PRH1: variants seen among roughly 807,000 people sequenced by gnomAD.
The protein encoded by PRH1 is proline rich protein HaeIII subfamily 1.
PRH1 carries 7 observed loss-of-function variants against 7.9 expected under a neutral mutation model. That is an observed-to-expected ratio of 0.89 (90% confidence interval 0.50 to 1.67). The LOEUF (loss-of-function observed/expected upper bound fraction) is 1.67, where lower values mean the gene tolerates loss of function less well. PRH1 is among the 40% of genes most tolerant of loss of function. PRH1 has a pLI of 0.00. For missense variants in PRH1, 109 were observed against 223.6 expected, an observed-to-expected ratio of 0.49 and a Z score of 3.27; for synonymous variants, 45 against 80.8, an observed-to-expected ratio of 0.56 and a Z score of 2.38.
intron 1 of PRH1, among the ~76,000 whole-genome samples, chr12:11,027,277 A>T: frequency 6.7e-6 from 1 of 150,182 alleles, no homozygotes; most frequent in South Asian, 2.1e-4. Flanking sequence ...AATAATAGCA[A>T]TAATAATAAT....
intron 1 of PRH1, among the ~76,000 whole-genome samples, chr12:11,053,889 C>A (rs1287357998): frequency 6.6e-6 from 1 of 152,148 alleles, no homozygotes; most frequent in Non-Finnish European, 1.5e-5. Flanking sequence ...GGCACAATCT[C>A]AGCTAACTGC....
At chr12:11,067,303 A>C (rs889417445) in intron 1 of PRH1, among the ~76,000 whole-genome samples, 4 of 152,232 alleles carry the variant, frequency 2.6e-5, no homozygotes, top group African/African-American at 9.6e-5. Context: ...GAATGCTAAC[A>C]ATATGAATAC....
intron 1 of PRH1, among the ~76,000 whole-genome samples, chr12:10,991,689 A>C (rs1209003424): frequency 2.0e-5 from 3 of 152,002 alleles, no homozygotes; most frequent in Non-Finnish European, 4.4e-5. Flanking sequence ...TCACCAAAAA[A>C]ACCAGACATA....
intron 2 of PRH1, chr12:10,964,429 T>C: frequency 4.3e-6 from 1 of 234,260 alleles, no homozygotes; most frequent in Non-Finnish European, 9.4e-6. Context: ...TCTAGAAATT[T>C]GAGAGTTTCA....
chr12:11,102,661 G>C (rs1945290818), intron 1 of PRH1, among the ~76,000 whole-genome samples: 1 of 152,080 alleles, frequency 6.6e-6, no homozygotes, highest in Non-Finnish European at 1.5e-5. Flanking sequence ...AACACCAAAA[G>C]CAATGGCAAC....
At chr12:11,075,017 A>G (rs1389928131) in intron 1 of PRH1, among the ~76,000 whole-genome samples, 2 of 147,908 alleles carry the variant, frequency 1.4e-5, no homozygotes, top group Non-Finnish European at 3.0e-5. Context: ...CTTTTGCCTC[A>G]GTTTCCACAT....
In PRH1 at chr12:11,168,200, CG is replaced by C. The variant is rs1947641272; in HGVS notation, n.39+3221del. On this transcript the variant is annotated intron_variant and non_coding_transcript_variant, in intron 1 of 1. Coordinates refer to the PRH1 transcript ENST00000541175. ...TACATATTAAAGCCATGGCAAAAAA[CG>C]AAAGAAAGAAAGAAGAAAGAAAGAA... Among the ~76,000 whole-genome samples, 5 of 36,396 alleles carry C rather than the reference CG, an allele frequency of 1.4e-4. 1 individual carries two copies. In the South Asian group the frequency reaches 8.9e-3, roughly 65 times the overall value. The allele number at this position is 36,396 out of a possible 152,430, so 23.9% of individuals were successfully genotyped here. A position where few individuals can be genotyped will look rare whatever the true frequency, so the allele number is the denominator to read the frequency against.
At chr12:11,024,748 T>C (rs1405265622) in intron 1 of PRH1, among the ~76,000 whole-genome samples, 1 of 57,152 alleles carries the variant, frequency 1.7e-5, no homozygotes, top group Non-Finnish European at 4.8e-5. Flanking sequence ...ACAATGAACA[T>C]TCTTTCACAT....
chr12:11,035,218 T>C (rs2136110099), intron 1 of PRH1, among the ~76,000 whole-genome samples: 1 of 151,442 alleles, frequency 6.6e-6, no homozygotes, highest in South Asian at 2.1e-4. Context: ...ACTTTATCAC[T>C]TTTGGAAAAA....
downstream of PRH1, among the ~76,000 whole-genome samples, chr12:11,118,519 T>A (rs1945795001): frequency 6.6e-6 from 1 of 152,180 alleles, no homozygotes; most frequent in African/African-American, 2.4e-5. Flanking sequence ...TAAAGGTTTC[T>A]CAAAAGACTA....
At chr12:10,965,392 C>A (rs1331496379) in intron 2 of PRH1, 6 of 853,324 alleles carry the variant, frequency 7.0e-6, no homozygotes, top group Non-Finnish European at 8.6e-6. Context: ...GAAGGCCTAA[C>A]AGCACTGGCT....
chr12:11,066,642 T>C (rs1426572821), intron 1 of PRH1, among the ~76,000 whole-genome samples: 2 of 151,438 alleles, frequency 1.3e-5, no homozygotes, highest in Non-Finnish European at 2.9e-5. Context: ...TAGATGTATA[T>C]ATAGATGATG....
intron 2 of PRH1, among the ~76,000 whole-genome samples, chr12:10,933,382 T>G (rs977991080): frequency 6.6e-6 from 1 of 152,102 alleles, no homozygotes; most frequent in African/African-American, 2.4e-5. Flanking sequence ...TCCTTTAGTA[T>G]GCTGATTTAT....
intron 1 of PRH1, among the ~76,000 whole-genome samples, chr12:11,103,188 T>C (rs1945307326): frequency 6.6e-6 from 1 of 152,006 alleles, no homozygotes; most frequent in Non-Finnish European, 1.5e-5. Flanking sequence ...ATCCCATTAC[T>C]GGATATATAA....
intron 2 of PRH1, among the ~76,000 whole-genome samples, chr12:10,968,188 G>C (rs7137212): frequency 0.24 from 36,315 of 151,046 alleles, 4,394 homozygotes; most frequent in Non-Finnish European, 0.25. Flanking sequence ...AAAACTAAAT[G>C]TTTATTATAG....
At chr12:11,026,900 G>A (rs569184534) in intron 1 of PRH1, among the ~76,000 whole-genome samples, 1 of 152,252 alleles carries the variant, frequency 6.6e-6, no homozygotes, top group East Asian at 1.9e-4. Flanking sequence ...CTGTGTCACT[G>A]TTTTATATCA....
At chr12:11,067,062 GC>G (rs1299491708) in intron 1 of PRH1, among the ~76,000 whole-genome samples, 2 of 151,282 alleles carry the variant, frequency 1.3e-5, no homozygotes, top group African/African-American at 2.4e-5. Context: ...ATTCTTGCAA[GC>G]CTTTTTCACA....
At chr12:10,944,982 G>A (rs892899908) in intron 2 of PRH1, among the ~76,000 whole-genome samples, 3 of 151,928 alleles carry the variant, frequency 2.0e-5, no homozygotes, top group African/African-American at 4.8e-5. Context: ...GAGGATTTTT[G>A]CATCGATGTC....
rs199760327 is a variant in PRH1 at position 11,067,944 on chromosome 12, CTAA to C, written n.124-20759_124-20757del. Reference sequence around the variant, plus strand: ...TATTCTCCTTTATTCAGCAAATACTCTAATAACAATGGTATCTATAAGAATATG... The same window carrying C: ...TATTCTCCTTTATTCAGCAAATACTCTAACAATGGTATCTATAAGAATATG... On this transcript the variant is annotated intron_variant and non_coding_transcript_variant, in intron 1 of 4. Transcript: ENST00000541977. Among the ~76,000 whole-genome samples the C allele has an allele frequency of 4.6e-5, 7 of 152,200 alleles. No individual in the cohort carries two copies. The East Asian group carries it at 1.3e-3, about 29-fold the overall frequency.
Sources: allele counts gnomAD v4.1 joint callset (sites outside exome capture counted in the v4.1 genomes callset), GRCh38; gene constraint gnomAD v4.1.1; transcripts MANE v1.5; gene names NCBI Gene and HGNC (gene_info 2026-07-23, HGNC 2026-07-21).